Variants in PCDH7 observed in about 807,000 individuals in gnomAD.
PCDH7 encodes protocadherin 7, also known as protocadherin-7.
Under a neutral mutation model 58.9 loss-of-function variants are expected in PCDH7, and 17 were observed. The ratio of observed to expected loss-of-function variants is 0.29; its 90% confidence interval spans 0.20 to 0.43. PCDH7 has a LOEUF of 0.43. Ranked by LOEUF, PCDH7 falls within the 20% of genes least tolerant of loss-of-function variation. The probability of loss-of-function intolerance (pLI) is 1.00; values close to 1 mark genes in which losing one functional copy is unlikely to be tolerated. For missense variants in PCDH7, 1,274 were observed against 1,441.0 expected, an observed-to-expected ratio of 0.88 and a Z score of 1.88; for synonymous variants, 664 against 616.4, an observed-to-expected ratio of 1.08 and a Z score of -1.14.
chr4:30,943,986 C>T (rs776778431), intron 2 of PCDH7, among the ~76,000 whole-genome samples: 1 of 152,042 alleles, frequency 6.6e-6, no homozygotes, highest in African/African-American at 2.4e-5. Context: ...TCCAGTGTGG[C>T]CTCCGTGAGG....
chr4:30,884,233 G>A (rs995031277), intron 1 of PCDH7, among the ~76,000 whole-genome samples: 6 of 152,044 alleles, frequency 3.9e-5, no homozygotes, highest in Admixed American at 3.3e-4. Context: ...TCTATGTGTG[G>A]TAGGCATTTT....
intron 3 of PCDH7, among the ~76,000 whole-genome samples, chr4:31,000,103 G>A (rs1409444167): frequency 1.3e-5 from 2 of 151,960 alleles, no homozygotes; most frequent in Non-Finnish European, 2.9e-5. Flanking sequence ...TAGCTATATT[G>A]AACAAAATTA....
At chr4:30,791,432 G>A (rs1235487896) in intron 1 of PCDH7, among the ~76,000 whole-genome samples, 6 of 151,950 alleles carry the variant, frequency 3.9e-5, no homozygotes, top group South Asian at 2.1e-4. Context: ...ATGTGTGGCC[G>A]GTATAAGAAG....
chr4:31,036,387 T>C (rs1316390063), intron 3 of PCDH7, among the ~76,000 whole-genome samples: 2 of 152,086 alleles, frequency 1.3e-5, no homozygotes, highest in Non-Finnish European at 2.9e-5. Context: ...AGTTTCACCA[T>C]GTTGGCCAGG....
intron 3 of PCDH7, among the ~76,000 whole-genome samples, chr4:31,068,763 C>T (rs1758303161): frequency 6.6e-6 from 1 of 151,944 alleles, no homozygotes; most frequent in Non-Finnish European, 1.5e-5. Flanking sequence ...TGAACTCCAC[C>T]TGACATTGTT....
chr4:30,958,364 T>C (rs907887778), intron 3 of PCDH7, among the ~76,000 whole-genome samples: 2 of 152,026 alleles, frequency 1.3e-5, no homozygotes. Flanking sequence ...CCAATACTTA[T>C]CAAAGAAAAC....
intron 3 of PCDH7, among the ~76,000 whole-genome samples, chr4:31,135,866 T>C (rs1387350846): frequency 1.3e-5 from 2 of 152,182 alleles, no homozygotes; most frequent in East Asian, 1.9e-4. Context: ...TCCTAAGATA[T>C]TTTGAAGACT....
chr4:31,093,703 T>G (rs1280772785), intron 3 of PCDH7, among the ~76,000 whole-genome samples: 1 of 152,122 alleles, frequency 6.6e-6, no homozygotes, highest in African/African-American at 2.4e-5. Flanking sequence ...CAAGTCATCT[T>G]TGGTTTCTCC....
At chr4:30,743,924 A>G (rs1286340454) in intron 1 of PCDH7, among the ~76,000 whole-genome samples, 2 of 152,172 alleles carry the variant, frequency 1.3e-5, no homozygotes, top group Admixed American at 1.3e-4. Context: ...GTTGTGGAGG[A>G]AAATTACTAG....
At chr4:30,903,543 A>G (rs1282918757) in intron 1 of PCDH7, among the ~76,000 whole-genome samples, 1 of 152,020 alleles carries the variant, frequency 6.6e-6, no homozygotes. Context: ...TTTATAGAGC[A>G]CTCTACAGTG....
chr4:30,908,503 C>T (rs73214940), intron 1 of PCDH7, among the ~76,000 whole-genome samples: 4 of 152,024 alleles, frequency 2.6e-5, no homozygotes, highest in African/African-American at 9.7e-5. Context: ...GAATGTCACA[C>T]AACAAAGATT....
intron 3 of PCDH7, among the ~76,000 whole-genome samples, chr4:31,051,661 A>T (rs906165466): frequency 3.3e-5 from 5 of 152,112 alleles, no homozygotes; most frequent in Non-Finnish European, 5.9e-5. Context: ...AACAGCAGTA[A>T]ATCACATGTT....
intron 3 of PCDH7, among the ~76,000 whole-genome samples, chr4:31,131,611 T>G (rs74871864): frequency 0.017 from 1,857 of 110,110 alleles, 19 homozygotes; most frequent in Middle Eastern, 0.031. Context: ...CTTGAAACCT[T>G]CCTCAGAGGT....
At chr4:31,126,252 T>C (rs1441440621) in intron 3 of PCDH7, among the ~76,000 whole-genome samples, 3 of 151,730 alleles carry the variant, frequency 2.0e-5, no homozygotes, top group Non-Finnish European at 2.9e-5. Flanking sequence ...GCTGCCTGGG[T>C]TCAAGAGATT....
chr4:31,042,329 T>C (rs1377805094), intron 3 of PCDH7, among the ~76,000 whole-genome samples: 1 of 152,148 alleles, frequency 6.6e-6, no homozygotes, highest in African/African-American at 2.4e-5. Flanking sequence ...AGAACAACCA[T>C]ATATTTTTTC....
At chr4:30,974,608 A>T (rs931573584) in intron 3 of PCDH7, among the ~76,000 whole-genome samples, 1 of 152,164 alleles carries the variant, frequency 6.6e-6, no homozygotes, top group African/African-American at 2.4e-5. Flanking sequence ...CCTCAAGCTA[A>T]TTTCTGATAA....
intron 3 of PCDH7, among the ~76,000 whole-genome samples, chr4:31,070,558 G>C (rs1389106439): frequency 6.6e-6 from 1 of 152,064 alleles, no homozygotes; most frequent in Non-Finnish European, 1.5e-5. Flanking sequence ...TTTATATGCA[G>C]ACATTTGCTC....
At chr4:31,032,817 A>G (rs1755071110) in intron 3 of PCDH7, among the ~76,000 whole-genome samples, 1 of 152,188 alleles carries the variant, frequency 6.6e-6, no homozygotes, top group Non-Finnish European at 1.5e-5. Flanking sequence ...TCCATTTTAT[A>G]TGAAATTAGA....
chr4:30,881,543 C>G (rs773963161), intron 1 of PCDH7, among the ~76,000 whole-genome samples: 2 of 152,076 alleles, frequency 1.3e-5, no homozygotes, highest in Non-Finnish European at 2.9e-5. Context: ...AGCAATTTTG[C>G]TGAGTTCTAG....
Sources: allele counts gnomAD v4.1 joint callset (sites outside exome capture counted in the v4.1 genomes callset), GRCh38; gene constraint gnomAD v4.1.1; transcripts MANE v1.5; gene names NCBI Gene and HGNC (gene_info 2026-07-23, HGNC 2026-07-21).